ABCA8: variants seen among roughly 807,000 people sequenced by gnomAD.
ABCA8 encodes the protein ATP binding cassette subfamily A member 8.
Under a neutral mutation model 192.3 loss-of-function variants are expected in ABCA8, and 177 were observed. That is an observed-to-expected ratio of 0.92 (90% CI 0.81 to 1.04). ABCA8 has a LOEUF of 1.04. Among genes scored for constraint, ABCA8 ranks in the 50% least tolerant of loss-of-function variants. The pLI, the probability that ABCA8 is intolerant of heterozygous loss-of-function variation, is 0.00. For synonymous variants in ABCA8, 642 were observed against 690.2 expected (o/e 0.93, Z 1.09); for missense variants, 1,915 against 1,904.8 (o/e 1.01, Z -0.10).
intron 21 of ABCA8, among the ~76,000 whole-genome samples, chr17:68,899,771 G>A (rs1320409124): frequency 1.3e-5 from 2 of 151,980 alleles, no homozygotes; most frequent in Non-Finnish European, 2.9e-5. Flanking sequence ...CTGACCACAA[G>A]GGATGAATTT....
At position 68,875,178 on chromosome 17, in the gene ABCA8, C is replaced by T. The variant is rs2143231292; in HGVS notation, c.4631+82G>A. The T allele has an allele frequency of 1.9e-6, 3 of 1,559,222 alleles. No homozygotes were observed. In the East Asian group the frequency reaches 6.8e-5, roughly 35 times the overall value. On this transcript the variant is annotated intron_variant, in intron 37 of 39. Coordinates refer to ENST00000586539, the MANE Select transcript of ABCA8 (RefSeq NM_001288985.2). ...AATAATCTCTTTCTTTTAGGTTTTC[C>T]TTTTGAATGACTATCACTCAACATA...
chr17:68,876,393 A>G, intron 35 of ABCA8, 67 bp downstream of exon 35: 1 of 1,598,746 alleles, frequency 6.3e-7, no homozygotes, highest in Admixed American at 1.7e-5. Flanking sequence ...TTTTTACAGA[A>G]GAAAAATGGT....
intron 19 of ABCA8, 65 bp from the exon 20 acceptor site, chr17:68,903,564 C>T: frequency 1.3e-6 from 2 of 1,501,620 alleles, no homozygotes; most frequent in Non-Finnish European, 1.8e-6. Flanking sequence ...ATTGGCTCTG[C>T]TAAGCATCTC....
At chr17:68,933,055 G>A in intron 6 of ABCA8, 113 bp downstream of exon 6, 1 of 760,058 alleles carries the variant, frequency 1.3e-6, no homozygotes. Context: ...TTCAGAGTGA[G>A]CAAAGGAAAT....
chr17:68,922,147 A>T, intron 12 of ABCA8, 95 bp downstream of exon 12: 2 of 851,604 alleles, frequency 2.3e-6, no homozygotes, highest in East Asian at 3.7e-5. Flanking sequence ...ACTGAATTAA[A>T]ATCAGGAAAT....
rs1305983282 is a variant in ABCA8 at position 68,876,450 on chromosome 17, T to C, written c.4370+10A>G. ...TCCGTGCTGTCCCTGACCGTGGTAA[T>C]GTTCCTCACCACATTTGCTGCTGCC... On this transcript the variant is annotated intron_variant, in intron 35 of 39. Transcript: ENST00000586539. The C allele has an allele frequency of 5.0e-6, 8 of 1,613,982 alleles. No homozygotes were observed. The highest frequency in any genetic ancestry group is 2.2e-5 in the East Asian group (1 of 44,874).
chr17:68,887,025 A>C lies in ABCA8; in HGVS notation c.3421T>G (p.Phe1141Val). ...ACAAGAAATATACTTACAACATAGA[A>C]ACAAAATGACCAAATGCCACTATTT... is the stretch of plus-strand genomic sequence containing the variant. Reference protein sequence around the residue: ...RKNSGIWSFCFYVVTVFSVAG... With the variant: ...RKNSGIWSFCVYVVTVFSVAG... The change falls in exon 26 of 40, where the codon TTC (phenylalanine) becomes GTC (valine). Residue 1141 changes from phenylalanine (F) to valine (V), a missense_variant. Physicochemically the swap from Phe to Val is conservative, Grantham distance 50. Coordinates refer to ENST00000586539, the MANE Select transcript of ABCA8 (RefSeq NM_001288985.2). 3 of 1,598,300 alleles carry C rather than the reference A, an allele frequency of 1.9e-6. No individual in the cohort carries two copies. In the South Asian group the frequency reaches 3.3e-5, roughly 18 times the overall value.
At position 68,922,194 on chromosome 17, in the gene ABCA8, C is replaced by CTTTT. The variant is rs201226205; in HGVS notation, c.1501+44_1501+47dup. On this transcript the variant is annotated intron_variant, in intron 12 of 39. Transcript: ENST00000586539. ...TAACAAATATTTTCTTTCTCTCTCT[C>CTTTT]TTTTTTTTTTTTTTTTTTTTTTTTT... The CTTTT allele has an allele frequency of 7.7e-4, 407 of 526,486 alleles. 1 individual carries two copies. The highest frequency in any genetic ancestry group is 1.2e-3 in the East Asian group (9 of 7,662). 32.6% of individuals were successfully genotyped at this position (526,486 alleles called of 1,614,324 possible).
At chr17:68,889,370 A>G (rs2066571628) in intron 24 of ABCA8, among the ~76,000 whole-genome samples, 1 of 152,224 alleles carries the variant, frequency 6.6e-6, no homozygotes, top group South Asian at 2.1e-4. Context: ...CATCTTTTAA[A>G]CAAGATGCTC....
At position 68,867,832 on chromosome 17, in the gene ABCA8, C is replaced by G; in HGVS notation, c.*253G>C. 3.4e-6 allele frequency: 1 copy of G among 298,084 alleles called. No homozygotes were observed. The highest frequency in any genetic ancestry group is 5.6e-5 in the East Asian group (1 of 17,888). The allele number at this position is 298,084 out of a possible 1,614,324, so 18.5% of individuals were successfully genotyped here. On this transcript the variant is annotated 3_prime_UTR_variant, in exon 40 of 40. Coordinates refer to ENST00000586539, the MANE Select transcript of ABCA8 (RefSeq NM_001288985.2). ...TCATGTAAAAGTAAATTTATTTATT[C>G]AGTATTATACAGAACAATGGAACCA...
chr17:68,897,393 T>G (rs1468741499), intron 21 of ABCA8, among the ~76,000 whole-genome samples: 2 of 152,162 alleles, frequency 1.3e-5, no homozygotes, highest in Non-Finnish European at 2.9e-5. Context: ...TTATTCAAAG[T>G]TGTTACAATC....
intron 19 of ABCA8, among the ~76,000 whole-genome samples, chr17:68,905,611 A>G (rs1370885076): frequency 6.7e-6 from 1 of 149,718 alleles, no homozygotes; most frequent in East Asian, 1.9e-4. Context: ...TAACATAAAG[A>G]AAAAAAAAAG....
At position 68,868,051 on chromosome 17, in the gene ABCA8, C is replaced by A; in HGVS notation, c.*34G>T. 3 of 1,479,940 alleles carry A rather than the reference C, an allele frequency of 2.0e-6. No individual in the cohort carries two copies. Among genetic ancestry groups the A allele is most frequent in the Admixed American group, 2.2e-5 (1 of 46,096 alleles). 91.7% of individuals were successfully genotyped at this position (1,479,940 alleles called of 1,614,324 possible). A position where few individuals can be genotyped will look rare whatever the true frequency, so the allele number is the denominator to read the frequency against. ...AAAAATAAATGTATTTAAAAAAAAC[C>A]ACGGGTTTAAACAGGAACACAGAAT... On this transcript the variant is annotated 3_prime_UTR_variant, in exon 40 of 40. Coordinates refer to ENST00000586539, the MANE Select transcript of ABCA8 (RefSeq NM_001288985.2).
At chr17:68,928,184 G>A (rs923880485) in intron 9 of ABCA8, 121 bp from the exon 10 acceptor site, 8 of 736,150 alleles carry the variant, frequency 1.1e-5, no homozygotes, top group Non-Finnish European at 1.6e-5. Context: ...GAGTTATATA[G>A]GGAGACTGCC....
chr17:68,880,904 G>T, intron 32 of ABCA8: 1 of 551,964 alleles, frequency 1.8e-6, no homozygotes, highest in Non-Finnish European at 3.2e-6. Context: ...CAGAGGTTTT[G>T]ACTGGAAAAG....
intron 24 of ABCA8, among the ~76,000 whole-genome samples, chr17:68,889,222 A>T (rs963096837): frequency 6.6e-6 from 1 of 152,194 alleles, no homozygotes. Context: ...CATAGTAGAG[A>T]TGCTTACACA....
chr17:68,887,906 A>ATATATATATATATC (rs370830810), intron 24 of ABCA8, among the ~76,000 whole-genome samples: 1 of 60,884 alleles, frequency 1.6e-5, no homozygotes, highest in African/African-American at 9.5e-5. Flanking sequence ...ATATATATAT[A>ATATATATATATATC]TCCATATATA....
intron 18 of ABCA8, among the ~76,000 whole-genome samples, chr17:68,907,042 A>T (rs2067085939): frequency 6.6e-6 from 1 of 152,178 alleles, no homozygotes; most frequent in South Asian, 2.1e-4. Flanking sequence ...GAAAAGAAGT[A>T]AGATTTAAGC....
At chr17:68,941,298 C>T (rs1188603700) in intron 3 of ABCA8, among the ~76,000 whole-genome samples, 2 of 151,974 alleles carry the variant, frequency 1.3e-5, no homozygotes, top group African/African-American at 2.4e-5. Context: ...ATGCGAACTC[C>T]CAATAAGAAA....
Sources: allele counts gnomAD v4.1 joint callset (sites outside exome capture counted in the v4.1 genomes callset), GRCh38; gene constraint gnomAD v4.1.1; transcripts MANE v1.5; gene names NCBI Gene and HGNC (gene_info 2026-07-23, HGNC 2026-07-21).